TTC34: variants seen among roughly 807,000 people sequenced by gnomAD.
TTC34 encodes the protein tetratricopeptide repeat domain 34, also known as tetratricopeptide repeat protein 34.
A neutral mutation model predicts 40.7 loss-of-function variants in TTC34; 44 were observed. The ratio of observed to expected loss-of-function variants is 1.08; its 90% CI spans 0.85 to 1.39. TTC34 has a LOEUF of 1.39. TTC34 is among the 40% of genes most tolerant of loss of function. TTC34 has a pLI of 0.00. For synonymous variants in TTC34, 422 were observed against 398.6 expected (o/e 1.06, Z -0.70); for missense variants, 884 against 838.0 (o/e 1.05, Z -0.68).
At chr1:2,646,329 C>T (rs1004091911) in intron 6 of TTC34, among the ~76,000 whole-genome samples, 3 of 152,148 alleles carry the variant, frequency 2.0e-5, no homozygotes, top group Admixed American at 6.5e-5. Context: ...TTTGTGTTAT[C>T]GTTGTCCTAC....
chr1:2,700,052 C>T (rs1296564919), intron 6 of TTC34, among the ~76,000 whole-genome samples: 2 of 122,192 alleles, frequency 1.6e-5, no homozygotes, highest in African/African-American at 2.7e-5. Flanking sequence ...AGCGCCCACA[C>T]CCAGAGGTGA....
At chr1:2,780,132 T>A (rs926257367) in intron 6 of TTC34, among the ~76,000 whole-genome samples, 1 of 152,242 alleles carries the variant, frequency 6.6e-6, no homozygotes, top group East Asian at 1.9e-4. Flanking sequence ...GAATTGGGTT[T>A]TTGGCTTTGT....
At position 2,776,259 on chromosome 1, in the gene TTC34, C is replaced by T. The variant is rs1041801977; in HGVS notation, c.2226+7350G>A. On this transcript the variant is annotated intron_variant, in intron 6 of 8. Transcript: ENST00000401095. ...TGGTAACCCACATGCAGGTGAGCAT[C>T]CGACAGCCTGGAACAGCAGCTCACA... The T allele has an allele frequency of 3.7e-5, 4 of 106,812 alleles. 1 individual carries two copies. The highest frequency in any genetic ancestry group is 5.5e-4 in the East Asian group (2 of 3,612). The allele number at this position is 106,812 out of a possible 1,614,324, so 6.6% of individuals were successfully genotyped here. A position where few individuals can be genotyped will look rare whatever the true frequency, so the allele number is the denominator to read the frequency against.
chr1:2,648,669 C>G (rs1481170811), intron 6 of TTC34, among the ~76,000 whole-genome samples: 1 of 150,478 alleles, frequency 6.6e-6, no homozygotes, highest in Non-Finnish European at 1.5e-5. Context: ...ACCCCACACC[C>G]CAGGGGAGCA....
At chr1:2,787,419 G>A in intron 4 of TTC34, 62 bp downstream of exon 4, 8 of 1,401,466 alleles carry the variant, frequency 5.7e-6, no homozygotes, top group South Asian at 3.0e-5. Flanking sequence ...CGGGAGGCCT[G>A]TGCCCTCTTC....
chr1:2,641,469 C>G (rs1374372248), exon 9 of TTC34: 1 of 1,535,544 alleles, frequency 6.5e-7, no homozygotes, highest in Non-Finnish European at 8.7e-7. Flanking sequence ...CTCTCTACCG[C>G]CGTCCAGGCC....
At chr1:2,799,106 T>C (rs1395603770) in intron 2 of TTC34, among the ~76,000 whole-genome samples, 3 of 86,570 alleles carry the variant, frequency 3.5e-5, no homozygotes, top group African/African-American at 4.6e-5. Context: ...TTCCAGCCTC[T>C]CAGCCTCCCG....
chr1:2,793,028 G>A (rs1323592888), intron 2 of TTC34, among the ~76,000 whole-genome samples: 2 of 152,246 alleles, frequency 1.3e-5, no homozygotes, highest in Admixed American at 1.3e-4. Flanking sequence ...TGTGGGACAT[G>A]TAGGCAAGCT....
intron 6 of TTC34, among the ~76,000 whole-genome samples, chr1:2,769,718 G>A (rs1396426233): frequency 6.7e-6 from 1 of 150,226 alleles, no homozygotes; most frequent in Non-Finnish European, 1.5e-5. Flanking sequence ...ACACCCCCAG[G>A]TGAGCATCTG....
In TTC34 at chr1:2,783,789, G is replaced by A. The variant is rs1643528662; in HGVS notation, c.2060-14C>T. 6.7e-7 allele frequency: 1 copy of A among 1,484,426 alleles called. No individual in the cohort carries two copies. Among genetic ancestry groups the A allele is most frequent in the Non-Finnish European group, 9.0e-7 (1 of 1,111,938 alleles). 92.0% of individuals were successfully genotyped at this position (1,484,426 alleles called of 1,614,324 possible). A position where few individuals can be genotyped will look rare whatever the true frequency, so the allele number is the denominator to read the frequency against. On this transcript the variant is annotated splice_polypyrimidine_tract_variant and intron_variant, in intron 5 of 8. Coordinates refer to ENST00000401095, the Ensembl canonical transcript of TTC34. ...TTGCCTGGCTTCCTGCAGGAAGACGGCATGGGGTCAGGATGAGCCTATGCT... is the reference window on the plus strand; with the variant it reads ...TTGCCTGGCTTCCTGCAGGAAGACGACATGGGGTCAGGATGAGCCTATGCT...
Position 2,783,676 on chromosome 1 carries a change from G to A in TTC34, c.2159C>T (p.Ala720Val), listed in dbSNP as rs1421049737. 4 of 1,540,854 alleles carry A rather than the reference G, an allele frequency of 2.6e-6. No homozygotes were observed. In the East Asian group the frequency reaches 9.9e-5, roughly 38 times the overall value. ...CAGTGCCTGCACGTTCCCCGGCTCA[G>A]CCCGCAGCACTGTGTTGAAGTCGAA... Residue 720 changes from alanine (A) to valine (V), a missense_variant, in exon 6 of 9, where the codon GCT becomes GTT. Transcript: ENST00000401095.
At chr1:2,655,075 C>T (rs1351138968) in intron 6 of TTC34, among the ~76,000 whole-genome samples, 2 of 152,232 alleles carry the variant, frequency 1.3e-5, no homozygotes, top group Middle Eastern at 3.4e-3. Context: ...CACCTGACAG[C>T]CTGGAGCAGC....
intron 6 of TTC34, among the ~76,000 whole-genome samples, chr1:2,660,681 G>T (rs1379339717): frequency 1.4e-5 from 1 of 73,366 alleles, no homozygotes; most frequent in Non-Finnish European, 2.7e-5. Context: ...ACCCAGGCGA[G>T]CATCTGACAG....
chr1:2,675,203 C>A (rs1185951722), intron 6 of TTC34, among the ~76,000 whole-genome samples: 7 of 144,610 alleles, frequency 4.8e-5, no homozygotes, highest in Admixed American at 6.8e-5. Flanking sequence ...ACCGACAACC[C>A]CAGGTGAGCA....
At chr1:2,758,428 T>A (rs1437093277) in intron 6 of TTC34, among the ~76,000 whole-genome samples, 394 of 35,146 alleles carry the variant, frequency 0.011, 7 homozygotes, top group Middle Eastern at 0.086. Flanking sequence ...CTGGAACAGC[T>A]CCCTGCACCC....
In TTC34 at chr1:2,784,077, G is replaced by A. The variant is rs61766521; in HGVS notation, c.2060-302C>T. On this transcript the variant is annotated intron_variant, in intron 5 of 8. Coordinates refer to ENST00000401095, the Ensembl canonical transcript of TTC34. ...ATCAGGGTAGCACTACCATCAAGAC[G>A]CGGAGACCGGTAGTGGCCCCGAACG... Among the ~76,000 whole-genome samples the A allele has an allele frequency of 3.7e-4, 56 of 152,242 alleles. No individual in the cohort carries two copies. The East Asian group carries it at 8.5e-3, about 23-fold the overall frequency.
At position 2,646,840 on chromosome 1, in the gene TTC34, GGT is replaced by G. The variant is rs1281105865; in HGVS notation, c.2227-1279_2227-1278del. Among the ~76,000 whole-genome samples, 5 of 152,332 alleles carry G rather than the reference GGT, an allele frequency of 3.3e-5. No homozygotes were observed. In the East Asian group the frequency reaches 7.7e-4, roughly 23 times the overall value. ...ACCACCTTCCCTCAGGATCTGCTGT[GGT>G]GTCATTCACTGATGACGAATCTCTC... On this transcript the variant is annotated intron_variant, in intron 6 of 8. Transcript: ENST00000401095.
intron 6 of TTC34, among the ~76,000 whole-genome samples, chr1:2,749,048 G>T (rs1569684752): frequency 3.8e-5 from 5 of 132,070 alleles, no homozygotes; most frequent in African/African-American, 5.9e-5. Flanking sequence ...ACACCCCCAG[G>T]TGAGAATCCG....
chr1:2,693,069 C>T (rs558652362), intron 6 of TTC34, among the ~76,000 whole-genome samples: 7 of 79,922 alleles, frequency 8.8e-5, no homozygotes, highest in Non-Finnish European at 1.2e-4. Context: ...CCCACAACCC[C>T]AGGCGAGCAT....
Sources: allele counts gnomAD v4.1 joint callset (sites outside exome capture counted in the v4.1 genomes callset), GRCh38; gene constraint gnomAD v4.1.1; transcripts MANE v1.5; gene names NCBI Gene and HGNC (gene_info 2026-07-23, HGNC 2026-07-21).